The following NUP214 variants were observed in gnomAD, a reference collection of about 807,000 sequenced individuals.
The protein encoded by NUP214 is nuclear pore complex protein Nup214.
Under a neutral mutation model 196.2 loss-of-function variants are expected in NUP214, and 79 were observed. The ratio of observed to expected loss-of-function variants is 0.40; its 90% confidence interval spans 0.34 to 0.49. The LOEUF (loss-of-function observed/expected upper bound fraction) is 0.49. Among genes scored for constraint, NUP214 ranks in the 20% least tolerant of loss-of-function variants. NUP214 has a pLI of 0.58. For missense variants in NUP214, 2,468 were observed against 2,539.0 expected (o/e 0.97, Z 0.60); for synonymous variants, 1,020 against 990.5 (o/e 1.03, Z -0.56).
At position 131,130,972 on chromosome 9, in the gene NUP214, A is replaced by G. The variant is rs558267583; in HGVS notation, c.663+136A>G. 20 of 667,352 alleles carry G rather than the reference A, an allele frequency of 3.0e-5. No individual in the cohort carries two copies. In the African/African-American group the frequency reaches 3.3e-4, roughly 11 times the overall value. The allele number at this position is 667,352 out of a possible 1,614,324, so 41.3% of individuals were successfully genotyped here. A position where few individuals can be genotyped will look rare whatever the true frequency, so the allele number is the denominator to read the frequency against. ...GTAACAAATCCATCAGTGAATGAAG[A>G]GTGGAACTCTTCCCTTTCCCATAGT... On this transcript the variant is annotated intron_variant, in intron 5 of 35. Coordinates refer to ENST00000359428, the MANE Select transcript of NUP214 (RefSeq NM_005085.4).
At chr9:131,180,119 C>T (rs866441893) in intron 24 of NUP214, among the ~76,000 whole-genome samples, 22 of 152,250 alleles carry the variant, frequency 1.4e-4, no homozygotes, top group Middle Eastern at 3.4e-3. Flanking sequence ...AGGGTTTGTT[C>T]AAGGAGTAAT....
At chr9:131,220,722 G>C (rs114572658) in intron 31 of NUP214, among the ~76,000 whole-genome samples, 6,166 of 152,272 alleles carry the variant, frequency 0.04, 164 homozygotes, top group African/African-American at 0.078. Context: ...TGGGACTTAG[G>C]ATAGTTAAGT....
chr9:131,147,391 G>C, intron 13 of NUP214, 99 bp from the exon 14 acceptor site: 1 of 883,630 alleles, frequency 1.1e-6, no homozygotes, highest in Non-Finnish European at 1.8e-6. Context: ...CAGGGGCAAT[G>C]TGTAACTTAA....
intron 35 of NUP214, chr9:131,233,014 A>G (rs912580497): frequency 3.3e-5 from 5 of 152,042 alleles, no homozygotes; most frequent in Non-Finnish European, 7.3e-5. Context: ...TATCAAAAGA[A>G]AAAAATATAT....
intron 5 of NUP214, 22 bp downstream of exon 5, chr9:131,130,858 C>A: frequency 6.2e-7 from 1 of 1,604,480 alleles, no homozygotes; most frequent in East Asian, 2.2e-5. Context: ...TCTTGAACTT[C>A]AGAATTTTTC....
At chr9:131,199,381 C>T (rs1338816514) in intron 29 of NUP214, among the ~76,000 whole-genome samples, 2 of 152,166 alleles carry the variant, frequency 1.3e-5, no homozygotes, top group African/African-American at 4.8e-5. Flanking sequence ...ATACCCAAAG[C>T]TGTCAAGCCT....
In NUP214 at chr9:131,151,879, T is replaced by C; in HGVS notation, c.2421T>C (p.Ser807=). The stretch of plus-strand genomic sequence containing the variant: ...ATAAAAGACCACTGGATCCCAAGAG[T>C]GAAGCTCAGCTTCAGGTAGGAGATC... The part of the protein sequence containing the change: ...LLYKRPLDPK[S]EAQLQEIRRL... Residue 807 remains serine (S), a synonymous_variant, in exon 17 of 36, where the codon AGT becomes AGC. Coordinates refer to ENST00000359428, the MANE Select transcript of NUP214 (RefSeq NM_005085.4). The C allele has an allele frequency of 6.2e-7, 1 of 1,609,874 alleles. No individual in the cohort carries two copies. The highest frequency in any genetic ancestry group is 8.5e-7 in the Non-Finnish European group (1 of 1,178,888).
At chr9:131,221,019 CT>C (rs1834541075) in intron 31 of NUP214, among the ~76,000 whole-genome samples, 1 of 152,190 alleles carries the variant, frequency 6.6e-6, no homozygotes, top group Non-Finnish European at 1.5e-5. Context: ...TTTTGCATTG[CT>C]AGCACTAACA....
chr9:131,198,943 T>C lies in NUP214; in HGVS notation c.5449T>C (p.Ser1817Pro), dbSNP rs750510000. ...GAGTCCTGGCTTTGGACAGGGAGGC[T>C]CTGTCTTTGGTGGTACCTCAGCTGC... The part of the protein sequence containing the change: ...GQSPGFGQGG[S>P]VFGGTSAATT... The change falls in exon 29 of 36, where the codon TCT becomes CCT. Residue 1817 changes from serine to proline, a missense_variant. Ser to Pro is a moderately conservative substitution (Grantham distance 74). Coordinates refer to ENST00000359428, the MANE Select transcript of NUP214 (RefSeq NM_005085.4). 8 of 1,614,064 alleles carry C rather than the reference T, an allele frequency of 5.0e-6. No individual in the cohort carries two copies. The highest frequency in any genetic ancestry group is 6.8e-6 in the Non-Finnish European group (8 of 1,180,016).
At chr9:131,212,034 A>G (rs988694894) in intron 30 of NUP214, among the ~76,000 whole-genome samples, 1 of 152,178 alleles carries the variant, frequency 6.6e-6, no homozygotes, top group Non-Finnish European at 1.5e-5. Context: ...TCAGCAAGGA[A>G]CAGCCCTGAG....
rs1320288869 is a variant in NUP214 at position 131,230,588 on chromosome 9, A to G, written c.6075-42A>G. The stretch of plus-strand genomic sequence containing the variant: ...GAGGCTTGCAGATGGGCAAGTGGTG[A>G]GAGGCCCCACTGACCTCAGTCTGTT... On this transcript the variant is annotated intron_variant, in intron 33 of 35. Transcript: ENST00000359428. 1.9e-6 allele frequency: 3 copies of G among 1,610,298 alleles called. No individual in the cohort carries two copies. In the East Asian group the frequency reaches 6.7e-5, roughly 36 times the overall value.
chr9:131,197,702 C>T lies in NUP214; in HGVS notation c.4208C>T (p.Thr1403Ile), dbSNP rs146771453. 2.2e-5 allele frequency: 36 copies of T among 1,614,120 alleles called. No individual in the cohort carries two copies. The African/African-American group carries it at 4.3e-4, about 19-fold the overall frequency. Residue 1403 changes from threonine (T) to isoleucine (I), a missense_variant, in exon 29 of 36, where the codon ACC becomes ATC. Coordinates refer to ENST00000359428, the MANE Select transcript of NUP214 (RefSeq NM_005085.4). ...ACCTCAGTAGCACCACCAGCAGCCA[C>T]CAGCACTTCCTCAACTGCCGTTTTT... ...TTTSVAPPAA[T>I]STSSTAVFGS...
At position 131,125,776 on chromosome 9, in the gene NUP214, C is replaced by T. The variant is rs1276892518; in HGVS notation, c.45+27C>T. ...TCAGAGACTAACCGGGGCCTCCCTCCCTTCTTTAGTCCTGGCGTTGCCTTG... is the reference window on the plus strand; with the variant it reads ...TCAGAGACTAACCGGGGCCTCCCTCTCTTCTTTAGTCCTGGCGTTGCCTTG... On this transcript the variant is annotated intron_variant, in intron 1 of 35. Coordinates refer to ENST00000359428, the MANE Select transcript of NUP214 (RefSeq NM_005085.4). The surrounding 1 kb of genome is among the most constrained non-coding windows in gnomAD (Gnocchi z 4.1). The T allele has an allele frequency of 1.3e-6, 2 of 1,550,446 alleles. No homozygotes were observed. Among genetic ancestry groups the T allele is most frequent in the Non-Finnish European group, 1.7e-6 (2 of 1,146,342 alleles).
intron 26 of NUP214, chr9:131,190,488 A>C (rs1009948514): frequency 7.2e-6 from 5 of 691,598 alleles, no homozygotes; most frequent in Non-Finnish European, 1.3e-5. Flanking sequence ...CAGGTAATCA[A>C]GGTTTAGAAA....
chr9:131,145,475 A>G (rs189220398), intron 12 of NUP214, among the ~76,000 whole-genome samples: 25 of 152,208 alleles, frequency 1.6e-4, no homozygotes, highest in African/African-American at 5.1e-4. Flanking sequence ...TGTTGTTGCT[A>G]TGGTGGTGCT....
chr9:131,217,042 A>C (rs1834420966), intron 31 of NUP214, among the ~76,000 whole-genome samples: 1 of 152,210 alleles, frequency 6.6e-6, no homozygotes, highest in Non-Finnish European at 1.5e-5. Flanking sequence ...AGTGTTCTGC[A>C]GTCATGACAG....
chr9:131,216,155 G>A (rs1362196067), intron 31 of NUP214, among the ~76,000 whole-genome samples: 1 of 151,058 alleles, frequency 6.6e-6, no homozygotes, highest in African/African-American at 2.4e-5. Flanking sequence ...CTCCCAAAGT[G>A]CTGGGATTAC....
At chr9:131,191,307 A>G (rs1214239652) in intron 26 of NUP214, 1 of 152,116 alleles carries the variant, frequency 6.6e-6, no homozygotes, top group African/African-American at 2.4e-5. Flanking sequence ...CTACTAAAAA[A>G]AAATACAAAA....
chr9:131,222,763 T>C lies in NUP214; in HGVS notation c.5750-15T>C. On this transcript the variant is annotated splice_polypyrimidine_tract_variant and intron_variant, in intron 31 of 35. Coordinates refer to ENST00000359428, the MANE Select transcript of NUP214 (RefSeq NM_005085.4). ...TTGTCTCCCTCTGACCTCCCTCACATCTTCATCTCTTCAGATACCTCTAAC... is the reference window on the plus strand; with the variant it reads ...TTGTCTCCCTCTGACCTCCCTCACACCTTCATCTCTTCAGATACCTCTAAC... 2 of 1,609,648 alleles carry C rather than the reference T, an allele frequency of 1.2e-6. No individual in the cohort carries two copies. The highest frequency in any genetic ancestry group is 1.7e-6 in the Non-Finnish European group (2 of 1,176,640).
Sources: gnomAD v4.1 joint callset for allele counts (sites outside exome capture counted in the v4.1 genomes callset) on GRCh38, gnomAD v4.1.1 for gene constraint, Gnocchi (gnomAD v3.1) non-coding constraint, MANE v1.5 for transcripts, NCBI Gene and HGNC (gene_info 2026-07-23, HGNC 2026-07-21) for gene names.